RRAGD: variants seen among roughly 807,000 people sequenced by gnomAD.
The protein encoded by RRAGD is ras-related GTP-binding protein D.
Under a neutral mutation model 35.5 loss-of-function variants are expected in RRAGD, and 12 were observed. That is an observed-to-expected ratio of 0.34 (90% CI 0.22 to 0.55). The LOEUF (loss-of-function observed/expected upper bound fraction) is 0.55, where lower values mean the gene tolerates loss of function less well. Ranked by LOEUF, RRAGD falls within the 20% of genes least tolerant of loss-of-function variation. The pLI, the probability that RRAGD is intolerant of heterozygous loss-of-function variation, is 0.91. For missense variants in RRAGD, 324 were observed against 490.1 expected, an observed-to-expected ratio of 0.66 and a Z score of 3.20; for synonymous variants, 155 against 178.9, an observed-to-expected ratio of 0.87 and a Z score of 1.07.
At position 89,403,242 on chromosome 6, in the gene RRAGD, G is replaced by A. The variant is rs1007185002; in HGVS notation, c.148+8604C>T. On this transcript the variant is annotated intron_variant, in intron 1 of 6. Coordinates refer to ENST00000369415, the MANE Select transcript of RRAGD (RefSeq NM_021244.5). ...GGATCACGAGGTCAGGAGATCAATC[G>A]AGACCATCCTGGCTAACACGGTGAA... 5.3e-5 allele frequency among the ~76,000 whole-genome samples: 8 copies of A among 152,228 alleles called. No individual in the cohort carries two copies. In the East Asian group the frequency reaches 9.6e-4, roughly 18 times the overall value.
In RRAGD at chr6:89,399,349, A is replaced by G. The variant is rs141979293; in HGVS notation, c.149-11759T>C. On this transcript the variant is annotated intron_variant, in intron 1 of 6. Coordinates refer to ENST00000369415, the MANE Select transcript of RRAGD (RefSeq NM_021244.5). ...TCCTTTTCCCTGCCTGCCAAATTCA[A>G]TCATGGGCCACCAACCATTAAACAG... is the stretch of plus-strand genomic sequence containing the variant. 3.9e-5 allele frequency among the ~76,000 whole-genome samples: 6 copies of G among 152,332 alleles called. No homozygotes were observed. The East Asian group carries it at 5.8e-4, about 15-fold the overall frequency.
chr6:89,392,071 T>C (rs888062216), intron 1 of RRAGD, among the ~76,000 whole-genome samples: 9 of 152,016 alleles, frequency 5.9e-5, no homozygotes, highest in African/African-American at 2.2e-4. Context: ...TACTATGGTA[T>C]ATAAAGTATA....
chr6:89,409,520 T>A (rs1245587192), intron 1 of RRAGD, among the ~76,000 whole-genome samples: 2 of 152,194 alleles, frequency 1.3e-5, no homozygotes, highest in African/African-American at 4.8e-5. Context: ...TGAGAGTAGG[T>A]AAATGTAAAT....
chr6:89,368,310 T>C (rs532755103), intron 6 of RRAGD, 103 bp from the exon 7 acceptor site: 4 of 1,035,418 alleles, frequency 3.9e-6, no homozygotes, highest in South Asian at 1.6e-5. Flanking sequence ...CAGTAGAGGA[T>C]GGTCTTAGCG....
At chr6:89,396,364 T>A (rs1192839278) in intron 1 of RRAGD, among the ~76,000 whole-genome samples, 4 of 152,100 alleles carry the variant, frequency 2.6e-5, no homozygotes, top group Admixed American at 1.3e-4. Context: ...AAGGGACTTG[T>A]ATGCAGAATA....
Position 89,368,206 on chromosome 6 carries a change from C to A in RRAGD, c.1053G>T (p.Gly351=). Residue 351 remains glycine, a splice_region_variant and synonymous_variant, in exon 7 of 7, where the codon GGG becomes GGT. Coordinates refer to ENST00000369415, the MANE Select transcript of RRAGD (RefSeq NM_021244.5). ...AGCAATGAAAATTATAGTCAATTAG[C>A]CCTGGAGAAGAGAACAAAAATATTT... ...FVREESFERK[G]LIDYNFHCFR... is the part of the protein sequence containing the mutation. 6.2e-7 allele frequency: 1 copy of A among 1,609,712 alleles called. No individual in the cohort carries two copies. Among genetic ancestry groups the A allele is most frequent in the Non-Finnish European group, 8.5e-7 (1 of 1,178,706 alleles).
chr6:89,408,698 C>G (rs1303977397), intron 1 of RRAGD, among the ~76,000 whole-genome samples: 1 of 152,082 alleles, frequency 6.6e-6, no homozygotes, highest in Admixed American at 6.5e-5. Context: ...GAGCAGCTTA[C>G]GTTAGCCAAG....
At chr6:89,399,764 G>T (rs540306389) in intron 1 of RRAGD, among the ~76,000 whole-genome samples, 2 of 125,368 alleles carry the variant, frequency 1.6e-5, no homozygotes, top group South Asian at 5.2e-4. Context: ...ACCATGCCCA[G>T]CTATTTTTTT....
At chr6:89,409,262 T>C (rs1008936203) in intron 1 of RRAGD, among the ~76,000 whole-genome samples, 1 of 152,176 alleles carries the variant, frequency 6.6e-6, no homozygotes, top group Non-Finnish European at 1.5e-5. Flanking sequence ...TCCTGATAAA[T>C]TGCTTTGCAA....
intron 6 of RRAGD, 45 bp from the exon 7 acceptor site, chr6:89,368,252 A>G (rs1768790008): frequency 6.3e-7 from 1 of 1,578,492 alleles, no homozygotes; most frequent in African/African-American, 1.4e-5. Context: ...CGTAGAAATA[A>G]TCTCCATCTT....
At chr6:89,385,549 G>A (rs1369312233) in intron 2 of RRAGD, among the ~76,000 whole-genome samples, 2 of 152,126 alleles carry the variant, frequency 1.3e-5, no homozygotes, top group Non-Finnish European at 2.9e-5. Context: ...GTAAAGCAGG[G>A]GATACTGCCA....
intron 2 of RRAGD, among the ~76,000 whole-genome samples, chr6:89,381,681 T>C (rs564429183): frequency 7.2e-4 from 109 of 152,352 alleles, no homozygotes; most frequent in Non-Finnish European, 1.4e-3. Context: ...GTCAGTGAGA[T>C]TCACCTATGC....
intron 1 of RRAGD, among the ~76,000 whole-genome samples, chr6:89,388,288 A>G (rs2127891169): frequency 6.6e-6 from 1 of 152,334 alleles, no homozygotes; most frequent in Non-Finnish European, 1.5e-5. Flanking sequence ...TGATGTTTCT[A>G]GAGAAGCCAA....
In RRAGD at chr6:89,378,806, G is replaced by GGAGT. The variant is rs1442573181; in HGVS notation, c.759+414_759+417dup. 2.0e-5 allele frequency among the ~76,000 whole-genome samples: 3 copies of GGAGT among 152,334 alleles called. No individual in the cohort carries two copies. The East Asian group carries it at 5.8e-4, about 29-fold the overall frequency. ...AAGTTCTCGCTCTGATGCCCAGGCT[G>GGAGT]GAGTGCAGTGGCACAATCATGGCTC... On this transcript the variant is annotated intron_variant, in intron 4 of 6. Transcript: ENST00000369415.
At chr6:89,379,507 C>T (rs1769006473) in intron 3 of RRAGD, among the ~76,000 whole-genome samples, 169 bp from the exon 4 acceptor site, 1 of 152,200 alleles carries the variant, frequency 6.6e-6, no homozygotes, top group Non-Finnish European at 1.5e-5. Context: ...AGCCATTCCT[C>T]CCCACCTCCC....
intron 5 of RRAGD, 40 bp from the exon 6 acceptor site, chr6:89,372,625 A>G: frequency 1.3e-6 from 2 of 1,505,486 alleles, no homozygotes; most frequent in Non-Finnish European, 1.8e-6. Context: ...ACCATTGAGA[A>G]AGAACTAGAA....
At chr6:89,390,411 G>A (rs756349563) in intron 1 of RRAGD, among the ~76,000 whole-genome samples, 2 of 152,150 alleles carry the variant, frequency 1.3e-5, no homozygotes. Context: ...ATATGAAAAG[G>A]TGCTCCATGT....
At chr6:89,375,767 T>G (rs1424351828) in intron 5 of RRAGD, among the ~76,000 whole-genome samples, 7 of 152,280 alleles carry the variant, frequency 4.6e-5, no homozygotes, top group Admixed American at 4.6e-4. Flanking sequence ...TGACCCAGAC[T>G]GGTTCTTACT....
At chr6:89,390,180 G>GAA (rs143932434) in intron 1 of RRAGD, among the ~76,000 whole-genome samples, 1 of 148,546 alleles carries the variant, frequency 6.7e-6, no homozygotes, top group African/African-American at 2.5e-5. Flanking sequence ...ACAAGCAACA[G>GAA]AAAAAAAAAC....
Sources: allele counts gnomAD v4.1 joint callset (sites outside exome capture counted in the v4.1 genomes callset), GRCh38; gene constraint gnomAD v4.1.1; transcripts MANE v1.5; gene names NCBI Gene and HGNC (gene_info 2026-07-23, HGNC 2026-07-21).